Variants in EYS observed in about 807,000 individuals in gnomAD.
EYS encodes the protein protein eyes shut homolog.
Under a neutral mutation model 282.1 loss-of-function variants are expected in EYS, and 250 were observed. The observed-to-expected ratio is 0.89, with a 90% confidence interval of 0.80 to 0.98. The LOEUF is 0.98. Ranked by LOEUF, EYS falls within the 50% of genes least tolerant of loss-of-function variation. The pLI, the probability that EYS is intolerant of heterozygous loss-of-function variation, is 0.00. For synonymous variants in EYS, 1,355 were observed against 1,282.9 expected (o/e 1.06, Z -1.20); for missense variants, 4,016 against 3,709.0 (o/e 1.08, Z -2.15).
chr6:63,938,918 A>C (rs2149756583), intron 35 of EYS, among the ~76,000 whole-genome samples: 1 of 152,266 alleles, frequency 6.6e-6, no homozygotes, highest in Admixed American at 6.5e-5. Flanking sequence ...TGAACTAAAT[A>C]ACAGAAATCA....
chr6:64,493,687 T>C (rs1216661618), intron 26 of EYS, among the ~76,000 whole-genome samples: 1 of 151,568 alleles, frequency 6.6e-6, no homozygotes, highest in Non-Finnish European at 1.5e-5. Flanking sequence ...CTAGCGTACA[T>C]GTGCACAACG....
intron 1 of EYS, among the ~76,000 whole-genome samples, chr6:65,686,114 C>T (rs1769005049): frequency 6.6e-6 from 1 of 151,978 alleles, no homozygotes; most frequent in African/African-American, 2.4e-5. Context: ...TAATGATAGC[C>T]AGATGCAGGT....
chr6:63,907,054 G>T (rs566536335), intron 35 of EYS, among the ~76,000 whole-genome samples: 5 of 152,136 alleles, frequency 3.3e-5, no homozygotes, highest in Non-Finnish European at 5.9e-5. Context: ...GTACACAGCA[G>T]ATCCATGCCT....
intron 11 of EYS, chr6:65,330,149 G>C: frequency 1.0e-6 from 1 of 980,550 alleles, no homozygotes. Flanking sequence ...AGAACCATGA[G>C]ATGTGTTCTG....
At chr6:64,910,496 A>T (rs1344116800) in intron 16 of EYS, among the ~76,000 whole-genome samples, 1 of 152,128 alleles carries the variant, frequency 6.6e-6, no homozygotes, top group East Asian at 1.9e-4. Context: ...CAAATTAGTT[A>T]AAAAATGATG....
At chr6:65,266,772 A>G (rs191840795) in intron 12 of EYS, among the ~76,000 whole-genome samples, 3 of 151,664 alleles carry the variant, frequency 2.0e-5, no homozygotes, top group Admixed American at 1.3e-4. Flanking sequence ...ACATATAAAA[A>G]ATTTTCAGTG....
intron 2 of EYS, among the ~76,000 whole-genome samples, chr6:65,617,934 T>C (rs1371723954): frequency 6.6e-6 from 1 of 151,956 alleles, no homozygotes; most frequent in Non-Finnish European, 1.5e-5. Context: ...TGCCACATTT[T>C]CTTAATCCAG....
intron 7 of EYS, among the ~76,000 whole-genome samples, chr6:65,395,644 TC>T (rs1016208331): frequency 6.6e-6 from 1 of 152,132 alleles, no homozygotes; most frequent in South Asian, 2.1e-4. Flanking sequence ...TTCATCTTTT[TC>T]GTCTTTATTT....
intron 31 of EYS, among the ~76,000 whole-genome samples, chr6:64,084,439 G>C (rs962135347): frequency 1.3e-5 from 2 of 152,194 alleles, no homozygotes; most frequent in African/African-American, 2.4e-5. Flanking sequence ...GGGTGGGAGA[G>C]TTTTTAAGAG....
chr6:65,349,531 G>C (rs1770523160), intron 9 of EYS, among the ~76,000 whole-genome samples: 1 of 151,430 alleles, frequency 6.6e-6, no homozygotes, highest in African/African-American at 2.4e-5. Flanking sequence ...AGATGAAACT[G>C]TATGTATCAT....
At chr6:63,827,435 C>G (rs1322648952) in intron 36 of EYS, among the ~76,000 whole-genome samples, 1 of 152,160 alleles carries the variant, frequency 6.6e-6, no homozygotes, top group East Asian at 1.9e-4. Context: ...CAGATATATA[C>G]AGAACATTTC....
At chr6:63,767,339 C>T (rs367912560) in intron 40 of EYS, among the ~76,000 whole-genome samples, 1 of 152,218 alleles carries the variant, frequency 6.6e-6, no homozygotes, top group African/African-American at 2.4e-5. Flanking sequence ...ATCCCATGGC[C>T]TCTGCCAAAA....
chr6:64,626,247 T>A lies in EYS; in HGVS notation c.3444-2A>T. ...TGACCAGAAAATCCAGGAAGACATC[T>A]AAGGAAAAAAAATGAAAACGATATT... On this transcript the variant is annotated splice_acceptor_variant, in intron 22 of 42. Coordinates refer to ENST00000503581, the MANE Select transcript of EYS (RefSeq NM_001142800.2). LOFTEE classifies it high-confidence loss of function. 6.6e-7 allele frequency: 1 copy of A among 1,518,970 alleles called. No homozygotes were observed. Among genetic ancestry groups the A allele is most frequent in the Admixed American group, 2.4e-5 (1 of 41,254 alleles). The allele number at this position is 1,518,970 out of a possible 1,614,324, so 94.1% of individuals were successfully genotyped here.
At chr6:63,996,464 G>T (rs1309658222) in intron 34 of EYS, among the ~76,000 whole-genome samples, 10 of 151,936 alleles carry the variant, frequency 6.6e-5, no homozygotes. Flanking sequence ...TTGTTGCTTA[G>T]TAATAGTTGC....
chr6:64,369,420 T>G (rs1772279330), intron 29 of EYS, among the ~76,000 whole-genome samples: 1 of 152,156 alleles, frequency 6.6e-6, no homozygotes, highest in Non-Finnish European at 1.5e-5. Flanking sequence ...ACATGAATTT[T>G]AAAAGTTTTT....
chr6:65,132,760 G>T (rs968551933), intron 12 of EYS, among the ~76,000 whole-genome samples: 1 of 151,958 alleles, frequency 6.6e-6, no homozygotes, highest in African/African-American at 2.4e-5. Flanking sequence ...TAGAAAGAAT[G>T]AAATTCAAAC....
chr6:64,543,137 A>T (rs1274496616), intron 26 of EYS, among the ~76,000 whole-genome samples: 1 of 152,082 alleles, frequency 6.6e-6, no homozygotes, highest in African/African-American at 2.4e-5. Flanking sequence ...GTAATTTATT[A>T]TTTTTTATTG....
intron 36 of EYS, among the ~76,000 whole-genome samples, chr6:63,853,445 C>T (rs1484455995): frequency 2.0e-5 from 3 of 152,128 alleles, no homozygotes; most frequent in African/African-American, 7.2e-5. Flanking sequence ...AAGACCACTT[C>T]AAGGAGAACT....
intron 26 of EYS, among the ~76,000 whole-genome samples, chr6:64,503,672 A>G (rs1056335030): frequency 7.9e-5 from 12 of 152,212 alleles, no homozygotes; most frequent in Admixed American, 6.5e-4. Context: ...AATGCCAGAA[A>G]GTCCCACAAC....
Sources: gnomAD v4.1 joint callset for allele counts (sites outside exome capture counted in the v4.1 genomes callset) on GRCh38, gnomAD v4.1.1 for gene constraint, MANE v1.5 for transcripts, NCBI Gene and HGNC (gene_info 2026-07-23, HGNC 2026-07-21) for gene names.